The following MPZL3 variants were observed in gnomAD, a reference collection of about 807,000 sequenced individuals.
MPZL3 encodes the protein myelin protein zero-like protein 3.
In MPZL3, 23 loss-of-function variants were observed where a neutral mutation model predicts 24.8. The ratio of observed to expected loss-of-function variants is 0.93; its 90% CI spans 0.67 to 1.31. The LOEUF (loss-of-function observed/expected upper bound fraction) is 1.31, where lower values mean the gene tolerates loss of function less well. MPZL3 is among the 40% of genes most tolerant of loss of function. MPZL3 has a pLI of 0.00. For missense variants in MPZL3, 277 were observed against 294.9 expected, an observed-to-expected ratio of 0.94 and a Z score of 0.44; for synonymous variants, 99 against 106.5, an observed-to-expected ratio of 0.93 and a Z score of 0.44.
At chr11:118,244,864 CAGG>C (rs1314245761) in intron 1 of MPZL3, among the ~76,000 whole-genome samples, 7 of 152,146 alleles carry the variant, frequency 4.6e-5, no homozygotes, top group African/African-American at 1.7e-4. Flanking sequence ...ATCACGAGTT[CAGG>C]AGATCGAGAC....
chr11:118,243,107 CAAGAA>C (rs1413887188), intron 1 of MPZL3, among the ~76,000 whole-genome samples: 3 of 152,100 alleles, frequency 2.0e-5, no homozygotes, highest in African/African-American at 7.2e-5. Flanking sequence ...TAGTTGTGAA[CAAGAA>C]AAATCACACG....
chr11:118,232,063 T>C (rs1489644608), intron 5 of MPZL3, among the ~76,000 whole-genome samples: 1 of 152,220 alleles, frequency 6.6e-6, no homozygotes, highest in Non-Finnish European at 1.5e-5. Flanking sequence ...TTCTGTAAGA[T>C]CTAGCTGCTG....
chr11:118,238,481 G>A (rs35409990), intron 2 of MPZL3, among the ~76,000 whole-genome samples: 32,354 of 152,032 alleles, frequency 0.21, 3,538 homozygotes, highest in Middle Eastern at 0.28. Context: ...TTATACCTGG[G>A]GCAGGCCAGG....
Position 118,235,470 on chromosome 11 carries a change from T to C in MPZL3, c.571A>G (p.Arg191Gly), listed in dbSNP as rs1949411986. ...GACTTCTTATAGCCAGACCTGCTCCTCTTCTTCAGCCCAGCAGCCTTCCTC... is the reference window on the plus strand; with the variant it reads ...GACTTCTTATAGCCAGACCTGCTCCCCTTCTTCAGCCCAGCAGCCTTCCTC... ...MGRKAAGLKK[R>G]SRSGYKKSSI... Residue 191 changes from arginine to glycine, a missense_variant, in exon 4 of 6, where the codon AGG (arginine) becomes GGG (glycine). Coordinates refer to ENST00000278949, the MANE Select transcript of MPZL3 (RefSeq NM_198275.3). The C allele has an allele frequency of 6.2e-7, 1 of 1,613,868 alleles. No homozygotes were observed. Among genetic ancestry groups the C allele is most frequent in the African/African-American group, 1.3e-5 (1 of 74,878 alleles).
At chr11:118,243,387 C>T (rs557306617) in intron 1 of MPZL3, among the ~76,000 whole-genome samples, 39 of 152,300 alleles carry the variant, frequency 2.6e-4, no homozygotes, top group African/African-American at 9.1e-4. Flanking sequence ...TACTTCCAAC[C>T]TGAAAGGATG....
chr11:118,251,118 T>TGTGA lies in MPZL3; in HGVS notation c.73+1103_73+1104insTCAC, dbSNP rs1491135921. ...GTGTGTGTGTGTGTGTGTGTGTGTG[T>TGTGA]GAAAGAGAGAGAGAGAGGACTGGGT... On this transcript the variant is annotated intron_variant, in intron 1 of 5. Coordinates refer to ENST00000278949, the MANE Select transcript of MPZL3 (RefSeq NM_198275.3). 3.6e-3 allele frequency among the ~76,000 whole-genome samples: 468 copies of TGTGA among 129,782 alleles called. 10 individuals are homozygous for TGTGA. The highest frequency in any genetic ancestry group is 0.013 in the African/African-American group (455 of 35,318). 85.1% of individuals were successfully genotyped at this position (129,782 alleles called of 152,430 possible).
intron 1 of MPZL3, among the ~76,000 whole-genome samples, chr11:118,241,303 A>C (rs904557711): frequency 2.0e-5 from 3 of 152,236 alleles, no homozygotes; most frequent in African/African-American, 7.2e-5. Flanking sequence ...CAAGATAAAC[A>C]GAGCAGCAAG....
chr11:118,229,650 T>C lies in MPZL3; in HGVS notation c.*244A>G, dbSNP rs988725503. ...CAGGAAAAGAATTTCTTCATTCAAT[T>C]ACAGCATAATTCATTGAAAGGGGAA... On this transcript the variant is annotated 3_prime_UTR_variant, in exon 6 of 6. Coordinates refer to ENST00000278949, the MANE Select transcript of MPZL3 (RefSeq NM_198275.3). The C allele has an allele frequency of 2.8e-5, 11 of 396,966 alleles. No homozygotes were observed. The highest frequency in any genetic ancestry group is 8.3e-5 in the African/African-American group (4 of 48,284). The allele number at this position is 396,966 out of a possible 1,614,324, so 24.6% of individuals were successfully genotyped here.
At chr11:118,239,403 AG>A (rs1949465077) in intron 2 of MPZL3, among the ~76,000 whole-genome samples, 1 of 152,220 alleles carries the variant, frequency 6.6e-6, no homozygotes, top group Admixed American at 6.5e-5. Context: ...ACATTTTTCC[AG>A]TGAAGGAAAT....
chr11:118,237,274 A>T lies in MPZL3; in HGVS notation c.241-14T>A, dbSNP rs1247010077. 1.2e-6 allele frequency: 2 copies of T among 1,609,434 alleles called. No individual in the cohort carries two copies. The highest frequency in any genetic ancestry group is 2.2e-5 in the East Asian group (1 of 44,866). ...ATAATGAAATATCTAAGAAAGCAAC[A>T]CCATGAGAGAAAAGGTTAACTTGGA... is the stretch of plus-strand genomic sequence containing the variant. On this transcript the variant is annotated splice_polypyrimidine_tract_variant and intron_variant, in intron 2 of 5. Coordinates refer to ENST00000278949, the MANE Select transcript of MPZL3 (RefSeq NM_198275.3).
chr11:118,250,961 T>C (rs1262258325), intron 1 of MPZL3, among the ~76,000 whole-genome samples: 2 of 152,296 alleles, frequency 1.3e-5, no homozygotes, highest in East Asian at 3.9e-4. Context: ...AAATGTTTGA[T>C]TGAATTATAT....
intron 1 of MPZL3, among the ~76,000 whole-genome samples, chr11:118,250,041 G>A (rs1469051350): frequency 2.6e-5 from 4 of 151,444 alleles, no homozygotes; most frequent in East Asian, 1.9e-4. Context: ...TCATTCCATC[G>A]CTCAGGCTGA....
At chr11:118,236,334 G>C (rs1949425667) in intron 3 of MPZL3, among the ~76,000 whole-genome samples, 1 of 151,952 alleles carries the variant, frequency 6.6e-6, no homozygotes, top group African/African-American at 2.4e-5. Context: ...AGGGAGAGAG[G>C]AAGGGAAGGA....
intron 1 of MPZL3, among the ~76,000 whole-genome samples, chr11:118,249,567 A>G (rs1264988454): frequency 1.3e-5 from 2 of 152,038 alleles, no homozygotes; most frequent in Non-Finnish European, 2.9e-5. Context: ...TAGTCTGGGG[A>G]AAAAACAAGA....
At chr11:118,231,993 C>T (rs1324327121) in intron 5 of MPZL3, among the ~76,000 whole-genome samples, 1 of 152,220 alleles carries the variant, frequency 6.6e-6, no homozygotes, top group Non-Finnish European at 1.5e-5. Flanking sequence ...TCTTCCCAAA[C>T]CCTCCAATGG....
chr11:118,240,243 A>G lies in MPZL3; in HGVS notation c.208T>C (p.Tyr70His), dbSNP rs1308143314. 1.9e-6 allele frequency: 3 copies of G among 1,575,670 alleles called. No individual in the cohort carries two copies. The highest frequency in any genetic ancestry group is 2.6e-6 in the Non-Finnish European group (3 of 1,166,722). The part of the protein sequence containing the change: ...VTDKLTIDWT[Y>H]RPPSSSHTVS... The stretch of plus-strand genomic sequence containing the variant: ...GTGTGGCTGCTGCTGGGAGGGCGAT[A>G]TGTCCAGTCTATAGTAAGTTTGTCA... The change falls in exon 2 of 6, where the codon TAT (tyrosine) becomes CAT (histidine). Residue 70 changes from tyrosine (Y) to histidine (H), a missense_variant. Tyr to His is a moderately conservative substitution (Grantham distance 83). Transcript: ENST00000278949.
chr11:118,229,743 A>C lies in MPZL3; in HGVS notation c.*151T>G, dbSNP rs938113557. 1 of 609,008 alleles carries C rather than the reference A, an allele frequency of 1.6e-6. No homozygotes were observed. The highest frequency in any genetic ancestry group is 1.9e-5 in the African/African-American group (1 of 52,824). The allele number at this position is 609,008 out of a possible 1,614,324, so 37.7% of individuals were successfully genotyped here. ...CAACAAGAACATTTATTCAATAAAT[A>C]AGTGGTTCCTAAAGTCTTTACTGAT... On this transcript the variant is annotated 3_prime_UTR_variant, in exon 6 of 6. Transcript: ENST00000278949.
At chr11:118,235,402 C>G (rs1314866493) in intron 4 of MPZL3, 22 bp downstream of exon 4, 1 of 1,611,778 alleles carries the variant, frequency 6.2e-7, no homozygotes, top group South Asian at 1.1e-5. Context: ...GGCTTGCTGC[C>G]CAGGGCTCCT....
In MPZL3 at chr11:118,233,457, T is replaced by C. The variant is rs1321514152; in HGVS notation, c.681+3A>G. Reference sequence around the variant, plus strand: ...GTAAGCAGAAGGAATGGCATGCACTTACCAGGCACTCAGCGCAACGGACAC... The same window carrying C: ...GTAAGCAGAAGGAATGGCATGCACTCACCAGGCACTCAGCGCAACGGACAC... On this transcript the variant is annotated splice_donor_region_variant and intron_variant, in intron 5 of 5. Coordinates refer to ENST00000278949, the MANE Select transcript of MPZL3 (RefSeq NM_198275.3). 6.2e-7 allele frequency: 1 copy of C among 1,613,642 alleles called. No homozygotes were observed. The highest frequency in any genetic ancestry group is 8.5e-7 in the Non-Finnish European group (1 of 1,179,796).
Sources: gnomAD v4.1 joint callset for allele counts (sites outside exome capture counted in the v4.1 genomes callset) on GRCh38, gnomAD v4.1.1 for gene constraint, MANE v1.5 for transcripts, NCBI Gene and HGNC (gene_info 2026-07-23, HGNC 2026-07-21) for gene names.